The following ZNF346 variants were observed in gnomAD, a reference collection of about 807,000 sequenced individuals.
The protein encoded by ZNF346 is double-stranded RNA-binding zinc finger protein JAZ.
In ZNF346, 23 loss-of-function variants were observed where a neutral mutation model predicts 33.7. The observed-to-expected ratio is 0.68, with a 90% confidence interval of 0.49 to 0.97. The LOEUF is 0.97. ZNF346 is among the 50% of genes least tolerant of loss of function. ZNF346 has a pLI of 0.00. For synonymous variants in ZNF346, 134 were observed against 142.4 expected (o/e 0.94, Z 0.42); for missense variants, 340 against 371.1 (o/e 0.92, Z 0.69).
At chr5:177,050,168 C>G (rs928808025) in intron 4 of ZNF346, among the ~76,000 whole-genome samples, 1 of 152,176 alleles carries the variant, frequency 6.6e-6, no homozygotes, top group Non-Finnish European at 1.5e-5. Flanking sequence ...TCTACTCAGC[C>G]TATAATATGC....
At chr5:177,040,918 A>G in intron 1 of ZNF346, among the ~76,000 whole-genome samples, 1 of 152,192 alleles carries the variant, frequency 6.6e-6, no homozygotes, top group South Asian at 2.1e-4. Context: ...GAAAGTTGGC[A>G]TACATAAAAT....
intron 4 of ZNF346, among the ~76,000 whole-genome samples, chr5:177,049,259 C>T (rs977452469): frequency 1.3e-5 from 2 of 152,126 alleles, no homozygotes; most frequent in Non-Finnish European, 2.9e-5. Context: ...CAGCAAATTT[C>T]TTCTGGCTTG....
intron 1 of ZNF346, 151 bp downstream of exon 1, chr5:177,023,064 G>T (rs1289840587): frequency 6.9e-6 from 10 of 1,442,254 alleles, no homozygotes; most frequent in Non-Finnish European, 9.4e-6. Flanking sequence ...CCGGGCGCGG[G>T]CACCCCAAGA....
chr5:177,040,449 A>G (rs1779196824), intron 1 of ZNF346, among the ~76,000 whole-genome samples: 1 of 152,038 alleles, frequency 6.6e-6, no homozygotes, highest in African/African-American at 2.4e-5. Context: ...GGTTCAAACA[A>G]TTCTCCTGCC....
intron 1 of ZNF346, among the ~76,000 whole-genome samples, chr5:177,027,679 A>G (rs1293839410): frequency 1.7e-5 from 2 of 118,288 alleles, no homozygotes; most frequent in East Asian, 4.8e-4. Context: ...TAAATTCTCT[A>G]TTTATTTATT....
intron 5 of ZNF346, 72 bp from the exon 6 acceptor site, chr5:177,061,986 C>T (rs924728521): frequency 2.2e-6 from 3 of 1,356,442 alleles, no homozygotes; most frequent in Admixed American, 3.6e-5. Flanking sequence ...GGCATTTGTA[C>T]ACTCTGAAAA....
At chr5:177,048,777 C>CT (rs1371679454) in intron 4 of ZNF346, among the ~76,000 whole-genome samples, 14 of 136,466 alleles carry the variant, frequency 1.0e-4, no homozygotes, top group East Asian at 4.0e-4. Context: ...TTGTTTTTTT[C>CT]TTTTTTTTTC....
At chr5:177,044,618 GA>G in intron 4 of ZNF346, 85 bp downstream of exon 4, 1 of 1,432,250 alleles carries the variant, frequency 7.0e-7, no homozygotes, top group Non-Finnish European at 9.6e-7. Context: ...GATCCTCACT[GA>G]GGCCACAGAC....
chr5:177,027,836 T>A, intron 1 of ZNF346, among the ~76,000 whole-genome samples: 1 of 150,960 alleles, frequency 6.6e-6, no homozygotes, highest in Non-Finnish European at 1.5e-5. Flanking sequence ...AAATAGAGGG[T>A]CTTGCTCTGT....
chr5:177,032,077 C>T (rs762843820), intron 1 of ZNF346, among the ~76,000 whole-genome samples: 2 of 133,098 alleles, frequency 1.5e-5, no homozygotes, highest in Non-Finnish European at 3.1e-5. Flanking sequence ...AATCTCAGCT[C>T]ACTGCAACCT....
intron 1 of ZNF346, among the ~76,000 whole-genome samples, chr5:177,030,567 A>T (rs1777537243): frequency 6.6e-6 from 1 of 151,916 alleles, no homozygotes; most frequent in South Asian, 2.1e-4. Flanking sequence ...TCAGCCTCCC[A>T]AAGTGCTGGG....
At chr5:177,024,684 A>G (rs1182326664) in intron 1 of ZNF346, among the ~76,000 whole-genome samples, 1 of 152,238 alleles carries the variant, frequency 6.6e-6, no homozygotes, top group Non-Finnish European at 1.5e-5. Flanking sequence ...GCAGACACCA[A>G]AACAGTTCCA....
At chr5:177,069,973 T>A (rs1309692061), downstream of ZNF346, among the ~76,000 whole-genome samples, 1 of 152,194 alleles carries the variant, frequency 6.6e-6, no homozygotes, top group Non-Finnish European at 1.5e-5. Flanking sequence ...AGCCATCCTG[T>A]TGAGGGACAA....
At chr5:177,062,271 A>G in intron 6 of ZNF346, 120 bp downstream of exon 6, 1 of 762,802 alleles carries the variant, frequency 1.3e-6, no homozygotes, top group Non-Finnish European at 2.2e-6. Context: ...TTCAGTGAAC[A>G]GAAGATGAAT....
intron 5 of ZNF346, among the ~76,000 whole-genome samples, chr5:177,055,797 C>T (rs1040487751): frequency 2.0e-5 from 3 of 151,886 alleles, no homozygotes; most frequent in Non-Finnish European, 4.4e-5. Context: ...AAAAATTGGC[C>T]GGGTGCAGTG....
In ZNF346 at chr5:177,064,674, C is replaced by T. The variant is rs753573559; in HGVS notation, c.*75C>T. 24 of 1,226,144 alleles carry T rather than the reference C, an allele frequency of 2.0e-5. No individual in the cohort carries two copies. The Admixed American group carries it at 3.4e-4, about 17-fold the overall frequency. The allele number at this position is 1,226,144 out of a possible 1,614,324, so 76.0% of individuals were successfully genotyped here. ...CCGTGACTGCTCAGCCCTTGGCTCC[C>T]TCTTGCTCGTTGTTCTCACCAGGAA... On this transcript the variant is annotated 3_prime_UTR_variant, in exon 7 of 7. Coordinates refer to ENST00000358149, the MANE Select transcript of ZNF346 (RefSeq NM_012279.4).
chr5:177,061,558 T>G (rs1211640308), intron 5 of ZNF346, among the ~76,000 whole-genome samples: 6 of 152,214 alleles, frequency 3.9e-5, no homozygotes, highest in African/African-American at 1.4e-4. Flanking sequence ...CCAGACCATG[T>G]GGGAAAAGCC....
chr5:177,067,483 GCCA>G lies in ZNF346; in HGVS notation c.*2887_*2889del. ...CAGCAATTCCCCAGAGTCCTTCTAAGCCACCTAGTATGTCAGATTCAGCCCCAT... is the reference window on the plus strand; with the variant it reads ...CAGCAATTCCCCAGAGTCCTTCTAAGCCTAGTATGTCAGATTCAGCCCCAT... On this transcript the variant is annotated 3_prime_UTR_variant, in exon 7 of 7. Transcript: ENST00000358149. 6.6e-6 allele frequency among the ~76,000 whole-genome samples: 1 copy of G among 152,254 alleles called. No individual in the cohort carries two copies. Among genetic ancestry groups the G allele is most frequent in the Middle Eastern group, 3.4e-3 (1 of 294 alleles).
rs1365599276 is a variant in ZNF346 at position 177,067,428 on chromosome 5, G to A, written c.*2829G>A. On this transcript the variant is annotated 3_prime_UTR_variant, in exon 7 of 7. Transcript: ENST00000358149. ...AAAGGCTCTACACAGCCCCAAGGGA[G>A]GTTCTCAGCTTCCCATGATCAGACT... Among the ~76,000 whole-genome samples the A allele has an allele frequency of 6.6e-6, 1 of 152,148 alleles. No individual in the cohort carries two copies. The highest frequency in any genetic ancestry group is 2.4e-5 in the African/African-American group (1 of 41,436).
Sources: gnomAD v4.1 joint callset for allele counts (sites outside exome capture counted in the v4.1 genomes callset) on GRCh38, gnomAD v4.1.1 for gene constraint, MANE v1.5 for transcripts, NCBI Gene and HGNC (gene_info 2026-07-23, HGNC 2026-07-21) for gene names.